ERICH1: variants seen among roughly 807,000 people sequenced by gnomAD.
The protein encoded by ERICH1 is glutamate rich 1.
ERICH1 carries 56 observed loss-of-function variants against 39.6 expected under a neutral mutation model. The ratio of observed to expected loss-of-function variants is 1.41; its 90% CI spans 1.14 to 1.77. The LOEUF is 1.77. Ranked by LOEUF, ERICH1 falls within the 40% of genes most tolerant of loss-of-function variation. The probability of loss-of-function intolerance (pLI) is 0.00; values close to 1 mark genes in which losing one functional copy is unlikely to be tolerated. For missense variants in ERICH1, 826 were observed against 575.4 expected, an observed-to-expected ratio of 1.44 and a Z score of -4.45; for synonymous variants, 313 against 223.6, an observed-to-expected ratio of 1.40 and a Z score of -3.57.
chr8:731,212 C>T lies in ERICH1; in HGVS notation c.-51G>A, dbSNP rs760212450. On this transcript the variant is annotated 5_prime_UTR_variant, in exon 1 of 6. Transcript: ENST00000262109. ...CCACGGCGCGCGGTCCTGAGCTGAG[C>T]GCCGTGCCTTCCGGGTTCCGCCCTC... 2.8e-6 allele frequency: 4 copies of T among 1,420,666 alleles called. No individual in the cohort carries two copies. Among genetic ancestry groups the T allele is most frequent in the East Asian group, 2.9e-5 (1 of 34,884 alleles). The allele number at this position is 1,420,666 out of a possible 1,614,324, so 88.0% of individuals were successfully genotyped here. A position where few individuals can be genotyped will look rare whatever the true frequency, so the allele number is the denominator to read the frequency against.
At chr8:723,609 GAACAGC>G (rs915903829) in intron 1 of ERICH1, among the ~76,000 whole-genome samples, 3 of 152,068 alleles carry the variant, frequency 2.0e-5, no homozygotes, top group Admixed American at 2.0e-4. Context: ...CTCTCTCAGT[GAACAGC>G]AGCTCTAGCT....
downstream of ERICH1, among the ~76,000 whole-genome samples, chr8:661,134 G>A (rs368035407): frequency 7.9e-5 from 12 of 152,142 alleles, no homozygotes; most frequent in South Asian, 2.1e-4. Flanking sequence ...GGTGCGAGGC[G>A]GGGCAGATGC....
In ERICH1 at chr8:694,497, C is replaced by G. The variant is rs565933888; in HGVS notation, c.170-1885G>C. Among the ~76,000 whole-genome samples, 14 of 152,282 alleles carry G rather than the reference C, an allele frequency of 9.2e-5. 1 individual carries two copies. In the South Asian group the frequency reaches 2.9e-3, roughly 32 times the overall value. ...GGAACACTCAATGACTCATGCAGAG[C>G]AAACAAGGATGCAGCTAAGAGGACG... On this transcript the variant is annotated intron_variant, in intron 2 of 5. Coordinates refer to ENST00000262109, the MANE Select transcript of ERICH1 (RefSeq NM_207332.3).
chr8:680,462 C>T (rs1805854086), intron 3 of ERICH1, among the ~76,000 whole-genome samples: 1 of 149,702 alleles, frequency 6.7e-6, no homozygotes, highest in African/African-American at 2.5e-5. Flanking sequence ...CAAGAGAATA[C>T]ACAGCTGCCA....
At position 678,350 on chromosome 8, in the gene ERICH1, G is replaced by A. The variant is rs148423404; in HGVS notation, c.305-4303C>T. On this transcript the variant is annotated intron_variant, in intron 3 of 5. Coordinates refer to ENST00000262109, the MANE Select transcript of ERICH1 (RefSeq NM_207332.3). ...GTTGGTGTTAAGAAGGTAATGAAAGGATACTGCACACAACGACATGCAAAT... is the reference window on the plus strand; with the variant it reads ...GTTGGTGTTAAGAAGGTAATGAAAGAATACTGCACACAACGACATGCAAAT... 7.2e-5 allele frequency among the ~76,000 whole-genome samples: 11 copies of A among 152,228 alleles called. No homozygotes were observed. In the South Asian group the frequency reaches 8.3e-4, roughly 11 times the overall value.
chr8:686,778 G>A (rs1563260874), intron 3 of ERICH1: 1 of 152,254 alleles, frequency 6.6e-6, no homozygotes, highest in African/African-American at 2.4e-5. Context: ...GAGAGAGAGA[G>A]AGAGCGCGCA....
At chr8:691,647 G>A (rs918810851) in intron 3 of ERICH1, among the ~76,000 whole-genome samples, 1 of 152,074 alleles carries the variant, frequency 6.6e-6, no homozygotes, top group African/African-American at 2.4e-5. Flanking sequence ...TTTTCAACAG[G>A]GCTTGAAAGG....
At position 652,966 on chromosome 8, in the gene ERICH1, G is replaced by A. The variant is rs373043766; in HGVS notation, c.976+15632C>T. Among the ~76,000 whole-genome samples the A allele has an allele frequency of 2.0e-5, 3 of 152,348 alleles. No homozygotes were observed. The East Asian group carries it at 5.8e-4, about 29-fold the overall frequency. On this transcript the variant is annotated intron_variant, in intron 3 of 3. Transcript: ENST00000522706. Reference sequence around the variant, plus strand: ...ACGAGAAATAAGTGCTGGAGAGGATGAGGAGGAATGAGCACACTCATGTGC... The same window carrying A: ...ACGAGAAATAAGTGCTGGAGAGGATAAGGAGGAATGAGCACACTCATGTGC...
rs1809926890 is a variant in ERICH1 at position 695,419 on chromosome 8, C to T, written c.170-2807G>A. Among the ~76,000 whole-genome samples, 2 of 152,214 alleles carry T rather than the reference C, an allele frequency of 1.3e-5. 1 individual carries two copies. Among genetic ancestry groups the T allele is most frequent in the South Asian group, 4.1e-4 (2 of 4,826 alleles). The stretch of plus-strand genomic sequence containing the variant: ...GCAAAACCTGCATCTGACACAGATC[C>T]TTACGCCGCTCACCTGGCAGAGGCC... On this transcript the variant is annotated intron_variant, in intron 2 of 5. Coordinates refer to ENST00000262109, the MANE Select transcript of ERICH1 (RefSeq NM_207332.3).
At chr8:631,874 T>C (rs567903145) in intron 3 of ERICH1, among the ~76,000 whole-genome samples, 2 of 152,144 alleles carry the variant, frequency 1.3e-5, no homozygotes, top group South Asian at 4.2e-4. Flanking sequence ...AGGCCTTTGC[T>C]CAGTCAATGC....
intron 2 of ERICH1, among the ~76,000 whole-genome samples, chr8:700,874 C>T (rs550143290): frequency 6.6e-6 from 1 of 152,216 alleles, no homozygotes; most frequent in Admixed American, 6.5e-5. Context: ...AAATACTTAA[C>T]AATGCCAGAT....
intron 4 of ERICH1, among the ~76,000 whole-genome samples, chr8:669,929 G>T (rs1438180240): frequency 6.6e-6 from 1 of 152,156 alleles, no homozygotes; most frequent in Non-Finnish European, 1.5e-5. Context: ...TCTGTGTCCT[G>T]TAACAATGGT....
intron 2 of ERICH1, among the ~76,000 whole-genome samples, chr8:702,118 GAGA>G (rs1328752587): frequency 6.7e-6 from 1 of 149,256 alleles, no homozygotes; most frequent in African/African-American, 2.5e-5. Context: ...AATCCACTGA[GAGA>G]AGGTGTTTGC....
intron 3 of ERICH1, among the ~76,000 whole-genome samples, chr8:632,043 G>A (rs1472419673): frequency 6.6e-6 from 1 of 152,192 alleles, no homozygotes; most frequent in East Asian, 1.9e-4. Context: ...GACTCGAGCT[G>A]CGTCTCTGCT....
intron 3 of ERICH1, among the ~76,000 whole-genome samples, chr8:622,531 C>G (rs1797348813): frequency 6.6e-6 from 1 of 152,124 alleles, no homozygotes; most frequent in Admixed American, 6.5e-5. Context: ...GACTGTCCAG[C>G]CTCCAGAACT....
intron 3 of ERICH1, among the ~76,000 whole-genome samples, chr8:689,893 C>T (rs755245763): frequency 1.1e-4 from 16 of 152,304 alleles, no homozygotes; most frequent in Admixed American, 5.2e-4. Context: ...GTTCCTACGA[C>T]GCGCCAGGAC....
chr8:667,497 C>G (rs1340364223), intron 5 of ERICH1: 1 of 152,924 alleles, frequency 6.5e-6, no homozygotes, highest in African/African-American at 2.4e-5. Context: ...GGCTTCTTTT[C>G]CAGCTCCTCA....
chr8:658,863 C>T (rs894245272), intron 3 of ERICH1, among the ~76,000 whole-genome samples: 4 of 152,200 alleles, frequency 2.6e-5, no homozygotes, highest in Admixed American at 6.5e-5. Context: ...TGGCTCCTCC[C>T]CAATTCCTCC....
chr8:638,338 C>T (rs922361550), intron 3 of ERICH1, among the ~76,000 whole-genome samples: 7 of 152,210 alleles, frequency 4.6e-5, no homozygotes, highest in East Asian at 1.9e-4. Flanking sequence ...CGCTTGGGCA[C>T]GTTCAGACCC....
Sources: gnomAD v4.1 joint callset for allele counts (sites outside exome capture counted in the v4.1 genomes callset) on GRCh38, gnomAD v4.1.1 for gene constraint, MANE v1.5 for transcripts, NCBI Gene and HGNC (gene_info 2026-07-23, HGNC 2026-07-21) for gene names.